SH3PXD2A: variants seen among roughly 807,000 people sequenced by gnomAD.
SH3PXD2A encodes the protein SH3 and PX domains 2A.
In SH3PXD2A, 32 loss-of-function variants were observed where a neutral mutation model predicts 115.2. The ratio of observed to expected loss-of-function variants is 0.28; its 90% CI spans 0.21 to 0.37. SH3PXD2A has a LOEUF of 0.37. SH3PXD2A is among the 10% of genes least tolerant of loss of function. The probability of loss-of-function intolerance (pLI) is 1.00; values close to 1 mark genes in which losing one functional copy is unlikely to be tolerated. For synonymous variants in SH3PXD2A, 610 were observed against 629.1 expected (o/e 0.97, Z 0.45); for missense variants, 1,328 against 1,498.7 (o/e 0.89, Z 1.88).
chr10:103,825,073 C>T (rs1394241769), intron 1 of SH3PXD2A, among the ~76,000 whole-genome samples: 1 of 152,178 alleles, frequency 6.6e-6, no homozygotes, highest in Non-Finnish European at 1.5e-5. Context: ...AAGTGCTGAG[C>T]CATTGTGCCC....
chr10:103,717,446 C>T (rs971464672), intron 5 of SH3PXD2A, among the ~76,000 whole-genome samples: 6 of 152,044 alleles, frequency 3.9e-5, no homozygotes, highest in African/African-American at 9.7e-5. Context: ...AGTTCCAGAG[C>T]GAGTGGGGAG....
At chr10:103,808,647 A>G (rs1315926892) in intron 1 of SH3PXD2A, among the ~76,000 whole-genome samples, 1 of 152,144 alleles carries the variant, frequency 6.6e-6, no homozygotes, top group Non-Finnish European at 1.5e-5. Flanking sequence ...GTCTGTGACC[A>G]TCCCTTGTGG....
At chr10:103,795,479 G>A (rs952498419) in intron 2 of SH3PXD2A, among the ~76,000 whole-genome samples, 5 of 152,152 alleles carry the variant, frequency 3.3e-5, no homozygotes, top group Admixed American at 6.5e-5. Flanking sequence ...AATTACAGGT[G>A]CACATTCATG....
intron 6 of SH3PXD2A, among the ~76,000 whole-genome samples, chr10:103,687,029 T>A (rs1200705088): frequency 6.6e-6 from 1 of 152,216 alleles, no homozygotes; most frequent in African/African-American, 2.4e-5. Context: ...ATTACAGGCA[T>A]GAGCCACTGC....
chr10:103,691,139 A>G (rs891720198), intron 6 of SH3PXD2A, among the ~76,000 whole-genome samples: 2 of 151,352 alleles, frequency 1.3e-5, no homozygotes, highest in Non-Finnish European at 2.9e-5. Flanking sequence ...GAGGCCCAGC[A>G]TAGAGAAGGA....
intron 1 of SH3PXD2A, among the ~76,000 whole-genome samples, chr10:103,848,403 G>A (rs931326256): frequency 7.2e-5 from 11 of 152,112 alleles, no homozygotes; most frequent in African/African-American, 2.2e-4. Flanking sequence ...AGGCACAGTC[G>A]CAAAAACAGC....
intron 4 of SH3PXD2A, 52 bp downstream of exon 4, chr10:103,735,680 C>G (rs1589434859): frequency 7.2e-7 from 1 of 1,384,436 alleles, no homozygotes; most frequent in African/African-American, 1.4e-5. Context: ...GGGCCCCTCT[C>G]CTCCCTGAAG....
intron 4 of SH3PXD2A, among the ~76,000 whole-genome samples, chr10:103,725,154 C>G (rs7097676): frequency 0.42 from 63,652 of 151,952 alleles, 14,238 homozygotes; most frequent in African/African-American, 0.58. Flanking sequence ...GGATGGATAA[C>G]AATTAACTGG....
At chr10:103,854,060 A>G (rs946023408) in intron 1 of SH3PXD2A, among the ~76,000 whole-genome samples, 4 of 152,192 alleles carry the variant, frequency 2.6e-5, no homozygotes, top group Non-Finnish European at 5.9e-5. Flanking sequence ...GCATTTGCTC[A>G]GCTGTAAAGA....
chr10:103,664,668 CTCTT>C (rs935162022), intron 7 of SH3PXD2A, among the ~76,000 whole-genome samples: 1 of 49,358 alleles, frequency 2.0e-5, no homozygotes, highest in Non-Finnish European at 3.7e-5. Flanking sequence ...TTCTTTCTCT[CTCTT>C]TTTTTTTTTT....
chr10:103,738,331 T>G (rs2038404567), intron 3 of SH3PXD2A, among the ~76,000 whole-genome samples: 1 of 152,226 alleles, frequency 6.6e-6, no homozygotes, highest in African/African-American at 2.4e-5. Flanking sequence ...GTCGCTTGAT[T>G]GCTCACATGC....
At chr10:103,805,475 C>A (rs2039192744) in intron 1 of SH3PXD2A, among the ~76,000 whole-genome samples, 1 of 152,370 alleles carries the variant, frequency 6.6e-6, no homozygotes, top group Middle Eastern at 3.4e-3. Context: ...TGCTCACATC[C>A]ATTGGTGGCA....
Position 103,602,260 on chromosome 10 carries a change from C to A in SH3PXD2A, c.2958G>T (p.Pro986=). Residue 986 remains proline, a synonymous_variant, in exon 15 of 15, where the codon CCG becomes CCT. Transcript: ENST00000369774. ...AGGACAGGTTGTTGTCCTTGGGTGG[C>A]GGGGACACAAACACCGACTGGGGCC... ...AVRPQSVFVS[P]PPKDNNLSCA... is the part of the protein sequence containing the mutation. 6.2e-7 allele frequency: 1 copy of A among 1,611,744 alleles called. No individual in the cohort carries two copies. The highest frequency in any genetic ancestry group is 8.5e-7 in the Non-Finnish European group (1 of 1,179,020).
chr10:103,837,430 A>AT (rs1218159282), intron 1 of SH3PXD2A, among the ~76,000 whole-genome samples: 2 of 152,150 alleles, frequency 1.3e-5, no homozygotes, highest in Non-Finnish European at 2.9e-5. Flanking sequence ...GATAACTCCC[A>AT]TTCCCCACCA....
At chr10:103,672,614 C>CT (rs1462163459) in intron 6 of SH3PXD2A, among the ~76,000 whole-genome samples, 1 of 152,252 alleles carries the variant, frequency 6.6e-6, no homozygotes. Flanking sequence ...GGCTTTGCCA[C>CT]TTAGCTCGCT....
intron 6 of SH3PXD2A, among the ~76,000 whole-genome samples, chr10:103,688,257 C>G (rs2037704856): frequency 6.6e-6 from 1 of 152,174 alleles, no homozygotes; most frequent in Admixed American, 6.6e-5. Context: ...AATTTAAAGC[C>G]ACAATGACCT....
intron 1 of SH3PXD2A, among the ~76,000 whole-genome samples, chr10:103,853,545 A>T (rs1255870865): frequency 6.6e-6 from 1 of 152,230 alleles, no homozygotes; most frequent in East Asian, 1.9e-4. Context: ...TTTGAGCAAG[A>T]CCGTCTAACT....
At chr10:103,758,376 C>T (rs1005465881) in intron 3 of SH3PXD2A, among the ~76,000 whole-genome samples, 3 of 152,180 alleles carry the variant, frequency 2.0e-5, no homozygotes, top group African/African-American at 7.2e-5. Context: ...CCTTTGTGAC[C>T]ATCTAATTTC....
intron 1 of SH3PXD2A, among the ~76,000 whole-genome samples, chr10:103,828,659 G>A (rs1034343324): frequency 3.3e-5 from 5 of 152,176 alleles, no homozygotes; most frequent in Admixed American, 6.5e-5. Context: ...GATCCCAAGG[G>A]CAGGGCCTCT....
Sources: allele counts gnomAD v4.1 joint callset (sites outside exome capture counted in the v4.1 genomes callset), GRCh38; gene constraint gnomAD v4.1.1; transcripts MANE v1.5; gene names NCBI Gene and HGNC (gene_info 2026-07-23, HGNC 2026-07-21).